SLC8A3: variants seen among roughly 807,000 people sequenced by gnomAD.
SLC8A3 encodes solute carrier family 8 member A3.
In SLC8A3, 37 loss-of-function variants were observed where a neutral mutation model predicts 65.4. The ratio of observed to expected loss-of-function variants is 0.57; its 90% CI spans 0.44 to 0.74. SLC8A3 has a LOEUF of 0.74. Among genes scored for constraint, SLC8A3 ranks in the 30% least tolerant of loss-of-function variants. The pLI, the probability that SLC8A3 is intolerant of heterozygous loss-of-function variation, is 0.00. For missense variants in SLC8A3, 1,112 were observed against 1,172.1 expected (o/e 0.95, Z 0.75); for synonymous variants, 461 against 444.5 (o/e 1.04, Z -0.47).
At chr14:70,118,293 A>T (rs1045538532) in intron 2 of SLC8A3, among the ~76,000 whole-genome samples, 3 of 152,226 alleles carry the variant, frequency 2.0e-5, no homozygotes, top group African/African-American at 7.2e-5. Context: ...CAAAGGGCAG[A>T]TTCCAAATGC....
chr14:70,110,049 T>TA (rs1454059334), intron 2 of SLC8A3, among the ~76,000 whole-genome samples: 1 of 152,118 alleles, frequency 6.6e-6, no homozygotes, highest in African/African-American at 2.4e-5. Context: ...TTTTTTTTTT[T>TA]ACTTTTAATT....
At chr14:70,053,107 G>A (rs746209486) in intron 3 of SLC8A3, among the ~76,000 whole-genome samples, 11 of 152,210 alleles carry the variant, frequency 7.2e-5, no homozygotes, top group Non-Finnish European at 1.3e-4. Context: ...AGAGTGTGTG[G>A]AGACTTCCTG....
intron 2 of SLC8A3, among the ~76,000 whole-genome samples, chr14:70,158,719 C>G (rs1446576988): frequency 6.6e-6 from 1 of 152,122 alleles, no homozygotes. Context: ...TATATATATA[C>G]ACATATCCAG....
chr14:70,143,589 T>C (rs1566808489), intron 2 of SLC8A3, among the ~76,000 whole-genome samples: 1 of 152,000 alleles, frequency 6.6e-6, no homozygotes, highest in Non-Finnish European at 1.5e-5. Context: ...AATCCAACTC[T>C]CTGGAGGTAG....
At chr14:70,060,748 C>T in intron 3 of SLC8A3, 88 bp downstream of exon 3, 1 of 822,232 alleles carries the variant, frequency 1.2e-6, no homozygotes, top group Non-Finnish European at 2.2e-6. Context: ...AAAAATATAG[C>T]TGCTTTTTCT....
chr14:70,110,932 G>A (rs756173013), intron 2 of SLC8A3, among the ~76,000 whole-genome samples: 9 of 151,694 alleles, frequency 5.9e-5, no homozygotes, highest in African/African-American at 1.2e-4. Flanking sequence ...TGCCTGCCTC[G>A]GCCTCCCAAA....
chr14:70,053,869 G>A (rs773824454), intron 3 of SLC8A3, among the ~76,000 whole-genome samples: 8 of 152,058 alleles, frequency 5.3e-5, no homozygotes, highest in South Asian at 2.1e-4. Flanking sequence ...CTAGTTTCTC[G>A]GTTTGGCAAT....
intron 2 of SLC8A3, among the ~76,000 whole-genome samples, chr14:70,078,424 A>G (rs1274555876): frequency 6.6e-6 from 1 of 152,252 alleles, no homozygotes; most frequent in East Asian, 1.9e-4. Context: ...CTGAAGAACT[A>G]AAGAGCTCCA....
intron 2 of SLC8A3, among the ~76,000 whole-genome samples, chr14:70,157,832 G>A (rs573863610): frequency 6.6e-6 from 1 of 152,358 alleles, no homozygotes; most frequent in South Asian, 2.1e-4. Flanking sequence ...TGAGTGGTTT[G>A]TTTCCTGGGA....
At chr14:70,097,014 G>C (rs1892223035) in intron 2 of SLC8A3, among the ~76,000 whole-genome samples, 1 of 152,318 alleles carries the variant, frequency 6.6e-6, no homozygotes, top group East Asian at 1.9e-4. Flanking sequence ...GCATAGAAAT[G>C]TGGGAAATTA....
intron 2 of SLC8A3, among the ~76,000 whole-genome samples, chr14:70,084,794 G>A (rs1037830828): frequency 6.6e-6 from 1 of 152,100 alleles, no homozygotes; most frequent in African/African-American, 2.4e-5. Context: ...TGGATTTCAG[G>A]GTCTGAAGAG....
rs372445667 is a variant in SLC8A3, at chr14:70,048,996, G to T, written c.2160C>A (p.Ser720=). 1.2e-6 allele frequency: 2 copies of T among 1,614,060 alleles called. No individual in the cohort carries two copies. Among genetic ancestry groups the T allele is most frequent in the Non-Finnish European group, 1.7e-6 (2 of 1,179,906 alleles). ...EDESGEERLP[S]CFDYVMHFLT... is the part of the protein sequence containing the mutation. ...GGAAGTGCATGACGTAGTCAAAGCA[G>T]GAGGGCAGCCTCTCCTCCCCGGATT... The change falls in exon 6 of 7, where the codon TCC becomes TCA. Residue 720 remains serine, a synonymous_variant. Transcript: ENST00000356921.
At chr14:70,139,766 C>G (rs1024435464) in intron 2 of SLC8A3, among the ~76,000 whole-genome samples, 6 of 152,176 alleles carry the variant, frequency 3.9e-5, no homozygotes, top group African/African-American at 1.4e-4. Context: ...ATGAATGGAC[C>G]TGACCTAAGG....
intron 2 of SLC8A3, among the ~76,000 whole-genome samples, chr14:70,082,462 C>T (rs1358964366): frequency 6.6e-6 from 1 of 152,162 alleles, no homozygotes; most frequent in Non-Finnish European, 1.5e-5. Flanking sequence ...ATTAAATCAA[C>T]AATAACAACA....
intron 2 of SLC8A3, among the ~76,000 whole-genome samples, chr14:70,077,082 T>A (rs1039584036): frequency 1.3e-5 from 2 of 152,166 alleles, no homozygotes; most frequent in African/African-American, 4.8e-5. Flanking sequence ...CAGTCGTACA[T>A]GTCACTTAAT....
rs763961550 is a variant in SLC8A3, at chr14:70,167,326, C to T, written c.1097G>A (p.Gly366Asp). ...IQATRMMTGA[G>D]NILKKHAAEQ... is the part of the protein sequence containing the mutation. ...TGCTGCATGTTTCTTCAGGATATTG[C>T]CTGCACCAGTCATCATACGAGTGGC... The change falls in exon 2 of 7, where the codon GGC becomes GAC. Residue 366 changes from glycine to aspartate, a missense_variant. Transcript: ENST00000356921. The T allele has an allele frequency of 4.3e-6, 7 of 1,614,166 alleles. No individual in the cohort carries two copies. Among genetic ancestry groups the T allele is most frequent in the Non-Finnish European group, 5.9e-6 (7 of 1,180,028 alleles).
At chr14:70,109,189 G>A (rs373470579) in intron 2 of SLC8A3, among the ~76,000 whole-genome samples, 369 of 129,074 alleles carry the variant, frequency 2.9e-3, no homozygotes, top group African/African-American at 0.01. Context: ...CTGGCATGCA[G>A]AAGGTTCTTT....
chr14:70,106,368 G>T (rs1431206778), intron 2 of SLC8A3, among the ~76,000 whole-genome samples: 1 of 152,042 alleles, frequency 6.6e-6, no homozygotes, highest in Non-Finnish European at 1.5e-5. Flanking sequence ...CTTGGAAAAT[G>T]GACCAAATTT....
intron 2 of SLC8A3, among the ~76,000 whole-genome samples, chr14:70,122,696 CAA>C: frequency 6.6e-6 from 1 of 151,990 alleles, no homozygotes; most frequent in Middle Eastern, 3.4e-3. Flanking sequence ...AACAAACAAA[CAA>C]AAAAACGTTC....
Sources: gnomAD v4.1 joint callset for allele counts (sites outside exome capture counted in the v4.1 genomes callset) on GRCh38, gnomAD v4.1.1 for gene constraint, MANE v1.5 for transcripts, NCBI Gene and HGNC (gene_info 2026-07-23, HGNC 2026-07-21) for gene names.